The following MYT1L variants were observed in gnomAD, a reference collection of about 807,000 sequenced individuals.
The protein encoded by MYT1L is myelin transcription factor 1 like, also known as myelin transcription factor 1-like protein.
Under a neutral mutation model 126.7 loss-of-function variants are expected in MYT1L, and 12 were observed. The observed-to-expected ratio is 0.09, with a 90% CI of 0.06 to 0.15. The LOEUF is 0.15. Ranked by LOEUF, MYT1L falls within the 10% of genes least tolerant of loss-of-function variation. MYT1L has a pLI of 1.00. For synonymous variants in MYT1L, 541 were observed against 604.2 expected (o/e 0.90, Z 1.53); for missense variants, 979 against 1,585.2 (o/e 0.62, Z 6.49).
At chr2:1,872,080 G>A (rs1325133941) in intron 18 of MYT1L, among the ~76,000 whole-genome samples, 1 of 152,190 alleles carries the variant, frequency 6.6e-6, no homozygotes, top group East Asian at 1.9e-4. Context: ...GTGTGTACCT[G>A]GGGAAGTGGA....
At chr2:1,839,511 A>G in intron 20 of MYT1L, 141 bp from the exon 21 acceptor site, 1 of 733,436 alleles carries the variant, frequency 1.4e-6, no homozygotes, top group South Asian at 1.9e-5. Flanking sequence ...AAGAAAAAAG[A>G]GAAAGAAAGA....
Position 1,892,305 on chromosome 2 carries a change from G to A in MYT1L, c.2033-18C>T. 1 of 1,545,554 alleles carries A rather than the reference G, an allele frequency of 6.5e-7. No homozygotes were observed. Among genetic ancestry groups the A allele is most frequent in the Non-Finnish European group, 8.7e-7 (1 of 1,144,390 alleles). ...CCGCTTCGCTGGGGAGACAGGGACA[G>A]GGATGACTCAGGCCCCGGCCGCAGG... On this transcript the variant is annotated intron_variant, in intron 14 of 24. Transcript: ENST00000647738.
chr2:2,329,865 A>G (rs564733126), intron 1 of MYT1L, among the ~76,000 whole-genome samples: 1 of 152,202 alleles, frequency 6.6e-6, no homozygotes, highest in Non-Finnish European at 1.5e-5. Flanking sequence ...GAAAAAACAA[A>G]CTTCCTTTTT....
At chr2:2,180,374 AAAC>A (rs1312016184) in intron 2 of MYT1L, among the ~76,000 whole-genome samples, 12 of 152,106 alleles carry the variant, frequency 7.9e-5, no homozygotes, top group Non-Finnish European at 4.4e-5. Context: ...AAAAAAAAAA[AAAC>A]AACAACCTGT....
At chr2:2,329,684 A>G (rs999454020) in intron 1 of MYT1L, among the ~76,000 whole-genome samples, 1 of 152,216 alleles carries the variant, frequency 6.6e-6, no homozygotes, top group African/African-American at 2.4e-5. Context: ...GTATGGTAAG[A>G]GTTTTCAAAG....
At chr2:2,085,175 A>T (rs997956816) in intron 3 of MYT1L, among the ~76,000 whole-genome samples, 10 of 152,128 alleles carry the variant, frequency 6.6e-5, no homozygotes, top group Admixed American at 6.5e-4. Flanking sequence ...GCATTTTTAA[A>T]TGATGGCACT....
intron 3 of MYT1L, among the ~76,000 whole-genome samples, chr2:2,163,277 G>T (rs2088348373): frequency 6.6e-6 from 1 of 152,068 alleles, no homozygotes; most frequent in Admixed American, 6.6e-5. Context: ...CCACCCTGCT[G>T]GCTAAGATGC....
intron 5 of MYT1L, among the ~76,000 whole-genome samples, chr2:1,996,848 C>T (rs2061914353): frequency 6.9e-6 from 1 of 145,924 alleles, no homozygotes; most frequent in African/African-American, 2.6e-5. Flanking sequence ...GACGGGCCGC[C>T]TTTACCTAGT....
intron 3 of MYT1L, among the ~76,000 whole-genome samples, chr2:2,062,269 T>C (rs780960893): frequency 6.6e-6 from 1 of 152,264 alleles, no homozygotes; most frequent in Non-Finnish European, 1.5e-5. Flanking sequence ...TATAATTGTG[T>C]CCATGTACAC....
At chr2:1,981,591 G>A (rs898167012) in intron 5 of MYT1L, among the ~76,000 whole-genome samples, 1 of 152,224 alleles carries the variant, frequency 6.6e-6, no homozygotes, top group Non-Finnish European at 1.5e-5. Context: ...CGGTGCAGAC[G>A]ACGGGCCTGA....
chr2:1,960,388 C>T lies in MYT1L; in HGVS notation c.153-17054G>A, dbSNP rs182039498. 3.2e-4 allele frequency among the ~76,000 whole-genome samples: 49 copies of T among 152,362 alleles called. No individual in the cohort carries two copies. In the East Asian group the frequency reaches 6.4e-3, roughly 20 times the overall value. The stretch of plus-strand genomic sequence containing the variant: ...AAGCCCCTTGTCCCAGGCCCTACTT[C>T]TAGCTAAAGCCAAAGCTGGGACTAA... On this transcript the variant is annotated intron_variant, in intron 8 of 24. Coordinates refer to ENST00000647738, the MANE Select transcript of MYT1L (RefSeq NM_001303052.2).
At chr2:2,093,030 G>A in intron 3 of MYT1L, among the ~76,000 whole-genome samples, 1 of 152,150 alleles carries the variant, frequency 6.6e-6, no homozygotes, top group East Asian at 1.9e-4. Flanking sequence ...ATTTTTGTAA[G>A]CAGGCAAATT....
intron 2 of MYT1L, among the ~76,000 whole-genome samples, chr2:2,251,252 C>T (rs1242056123): frequency 2.0e-5 from 3 of 152,050 alleles, no homozygotes; most frequent in African/African-American, 7.2e-5. Flanking sequence ...CTTTAATTTG[C>T]TTACAATGAG....
intron 3 of MYT1L, among the ~76,000 whole-genome samples, chr2:2,160,852 T>C (rs193262306): frequency 1.3e-5 from 2 of 152,312 alleles, no homozygotes; most frequent in African/African-American, 4.8e-5. Flanking sequence ...AAAGGCCATG[T>C]AGACCAAAGA....
At chr2:1,805,342 G>T (rs985587606) in intron 22 of MYT1L, among the ~76,000 whole-genome samples, 2 of 152,158 alleles carry the variant, frequency 1.3e-5, no homozygotes, top group Non-Finnish European at 1.5e-5. Flanking sequence ...AGTGGATTCC[G>T]GTGGCTTCTC....
chr2:1,819,653 C>T (rs960634259), intron 21 of MYT1L, among the ~76,000 whole-genome samples: 1 of 152,204 alleles, frequency 6.6e-6, no homozygotes, highest in East Asian at 1.9e-4. Flanking sequence ...ACATGCCCTA[C>T]AGGGATGCAC....
intron 3 of MYT1L, among the ~76,000 whole-genome samples, chr2:2,138,232 T>C (rs1462039755): frequency 6.6e-6 from 1 of 150,420 alleles, no homozygotes; most frequent in Non-Finnish European, 1.5e-5. Context: ...AGGAACACTT[T>C]TACACTGTTG....
intron 19 of MYT1L, among the ~76,000 whole-genome samples, chr2:1,849,136 C>T (rs1260031560): frequency 1.4e-5 from 2 of 140,122 alleles, no homozygotes; most frequent in African/African-American, 5.3e-5. Context: ...ACTAAATTTA[C>T]ATGATGCCAA....
Position 1,886,617 on chromosome 2 carries a change from A to G in MYT1L, c.2643-10T>C. On this transcript the variant is annotated splice_polypyrimidine_tract_variant and intron_variant, in intron 17 of 24. Coordinates refer to ENST00000647738, the MANE Select transcript of MYT1L (RefSeq NM_001303052.2). ...GGGGCAGCCAGACAGACTGTAAGAC[A>G]GGCCGGGACAGGCAGGTCAGTCAAC... The G allele has an allele frequency of 6.5e-7, 1 of 1,543,462 alleles. No homozygotes were observed. Among genetic ancestry groups the G allele is most frequent in the East Asian group, 2.4e-5 (1 of 41,550 alleles).
Sources: gnomAD v4.1 joint callset for allele counts (sites outside exome capture counted in the v4.1 genomes callset) on GRCh38, gnomAD v4.1.1 for gene constraint, MANE v1.5 for transcripts, NCBI Gene and HGNC (gene_info 2026-07-23, HGNC 2026-07-21) for gene names.